SDK1: variants seen among roughly 807,000 people sequenced by gnomAD.
SDK1 encodes the protein protein sidekick-1.
Under a neutral mutation model 245.5 loss-of-function variants are expected in SDK1, and 157 were observed. That is an observed-to-expected ratio of 0.64 (90% confidence interval 0.56 to 0.73). The LOEUF is 0.73. Among genes scored for constraint, SDK1 ranks in the 30% least tolerant of loss-of-function variants. The pLI, the probability that SDK1 is intolerant of heterozygous loss-of-function variation, is 0.00. For missense variants in SDK1, 3,583 were observed against 3,002.3 expected (o/e 1.19, Z -4.52); for synonymous variants, 1,647 against 1,278.5 (o/e 1.29, Z -6.15).
At chr7:3,760,174 A>G (rs1780053206) in intron 4 of SDK1, among the ~76,000 whole-genome samples, 1 of 152,104 alleles carries the variant, frequency 6.6e-6, no homozygotes, top group Non-Finnish European at 1.5e-5. Flanking sequence ...TGAAAGATAA[A>G]ATTTCTCGAG....
At chr7:3,952,342 G>A (rs1429791433) in intron 7 of SDK1, among the ~76,000 whole-genome samples, 2 of 152,188 alleles carry the variant, frequency 1.3e-5, no homozygotes, top group Non-Finnish European at 2.9e-5. Flanking sequence ...ACTTTGGGAG[G>A]CCAAGGTGGG....
intron 1 of SDK1, among the ~76,000 whole-genome samples, chr7:3,530,698 C>G (rs1267386545): frequency 3.3e-5 from 5 of 152,084 alleles, no homozygotes; most frequent in Admixed American, 2.0e-4. Flanking sequence ...ATGAAGTTAG[C>G]TTATGTACAT....
At chr7:3,368,175 A>G (rs1191972269) in intron 1 of SDK1, among the ~76,000 whole-genome samples, 1 of 152,240 alleles carries the variant, frequency 6.6e-6, no homozygotes, top group Non-Finnish European at 1.5e-5. Context: ...TGAAACCAAT[A>G]ACGTGTAAAA....
intron 32 of SDK1, among the ~76,000 whole-genome samples, chr7:4,162,877 A>T (rs567472161): frequency 9.9e-5 from 15 of 152,196 alleles, no homozygotes; most frequent in Non-Finnish European, 1.6e-4. Context: ...AAGTACATTG[A>T]TGACAAATAT....
In SDK1 at chr7:3,750,825, C is replaced by G. The variant is rs10267781; in HGVS notation, c.714-70625C>G. Among the ~76,000 whole-genome samples, 733 of 152,312 alleles carry G rather than the reference C, an allele frequency of 4.8e-3. 6 individuals carry two copies. Among genetic ancestry groups the G allele is most frequent in the African/African-American group, 0.017 (695 of 41,560 alleles). ...ATAGAGACAAATAGGATACGACAAT[C>G]TCTAATCCTGCCATGTCTTTACACC... On this transcript the variant is annotated intron_variant, in intron 4 of 44. Coordinates refer to ENST00000404826, the MANE Select transcript of SDK1 (RefSeq NM_152744.4).
At chr7:3,838,363 C>G (rs559885244) in intron 5 of SDK1, among the ~76,000 whole-genome samples, 7 of 152,170 alleles carry the variant, frequency 4.6e-5, no homozygotes, top group Admixed American at 1.3e-4. Context: ...GCATGGGGCA[C>G]CCAGACACAT....
intron 5 of SDK1, among the ~76,000 whole-genome samples, chr7:3,937,998 C>T (rs113829102): frequency 0.018 from 2,783 of 152,190 alleles, 87 homozygotes; most frequent in African/African-American, 0.058. Context: ...CCACCACGCC[C>T]GGCTAATTTT....
At chr7:3,628,727 A>G (rs1782194339) in intron 2 of SDK1, among the ~76,000 whole-genome samples, 1 of 152,244 alleles carries the variant, frequency 6.6e-6, no homozygotes, top group Non-Finnish European at 1.5e-5. Context: ...TTACTGCCTC[A>G]TTTGAAACAA....
At chr7:3,651,155 A>C (rs1426894414) in intron 4 of SDK1, among the ~76,000 whole-genome samples, 2 of 150,650 alleles carry the variant, frequency 1.3e-5, no homozygotes, top group Non-Finnish European at 3.0e-5. Context: ...TTAAATGCCA[A>C]ACTGTTTTCC....
chr7:3,404,366 A>G (rs1296634863), intron 1 of SDK1, among the ~76,000 whole-genome samples: 1 of 152,180 alleles, frequency 6.6e-6, no homozygotes, highest in Non-Finnish European at 1.5e-5. Context: ...TGTCATTGTT[A>G]TCACTGATTT....
chr7:3,995,026 C>G (rs1784597356), intron 14 of SDK1, among the ~76,000 whole-genome samples: 1 of 152,174 alleles, frequency 6.6e-6, no homozygotes, highest in Non-Finnish European at 1.5e-5. Context: ...GGTTGCCAGC[C>G]CTACTTCTTC....
chr7:3,892,424 G>A (rs936478445), intron 5 of SDK1, among the ~76,000 whole-genome samples: 19 of 152,136 alleles, frequency 1.2e-4, no homozygotes, highest in African/African-American at 2.9e-4. Context: ...GAGGGGAAGC[G>A]GGAACCCCCA....
chr7:3,351,080 T>A (rs1780648130), intron 1 of SDK1, among the ~76,000 whole-genome samples: 1 of 152,170 alleles, frequency 6.6e-6, no homozygotes. Flanking sequence ...ATAAAAAATT[T>A]GAAAACAGCT....
intron 14 of SDK1, among the ~76,000 whole-genome samples, chr7:4,003,225 G>T (rs766675985): frequency 6.6e-6 from 1 of 152,180 alleles, no homozygotes; most frequent in South Asian, 2.1e-4. Flanking sequence ...CAGGTTCCAC[G>T]CAGGGCCTCC....
intron 13 of SDK1, among the ~76,000 whole-genome samples, chr7:3,980,725 C>A (rs1345217512): frequency 6.6e-6 from 1 of 152,142 alleles, no homozygotes; most frequent in Non-Finnish European, 1.5e-5. Context: ...AGGTAGATCA[C>A]GAGGTCAAGA....
chr7:3,504,064 T>G (rs533322125), intron 1 of SDK1, among the ~76,000 whole-genome samples: 1 of 151,376 alleles, frequency 6.6e-6, no homozygotes, highest in Non-Finnish European at 1.5e-5. Flanking sequence ...GCAGGAGAAT[T>G]GCTTGAACCC....
intron 4 of SDK1, among the ~76,000 whole-genome samples, chr7:3,764,654 C>T (rs965448366): frequency 1.3e-5 from 2 of 151,914 alleles, no homozygotes; most frequent in African/African-American, 4.8e-5. Flanking sequence ...CGCACTCTAG[C>T]CTGGGCGACA....
At chr7:3,667,063 A>G (rs1380280466) in intron 4 of SDK1, among the ~76,000 whole-genome samples, 1 of 152,206 alleles carries the variant, frequency 6.6e-6, no homozygotes, top group Non-Finnish European at 1.5e-5. Flanking sequence ...GTGCTCCTAG[A>G]AGAAAAATAA....
intron 1 of SDK1, among the ~76,000 whole-genome samples, chr7:3,376,232 T>C (rs1554500): frequency 0.49 from 74,135 of 151,968 alleles, 19,354 homozygotes; most frequent in East Asian, 0.61. Context: ...GGATCAAATA[T>C]TTAAATGTAA....
Sources: gnomAD v4.1 joint callset for allele counts (sites outside exome capture counted in the v4.1 genomes callset) on GRCh38, gnomAD v4.1.1 for gene constraint, MANE v1.5 for transcripts, NCBI Gene and HGNC (gene_info 2026-07-23, HGNC 2026-07-21) for gene names.